TP53BP2: variants seen among roughly 807,000 people sequenced by gnomAD.
The protein encoded by TP53BP2 is apoptosis-stimulating of p53 protein 2.
Under a neutral mutation model 126.2 loss-of-function variants are expected in TP53BP2, and 62 were observed. The ratio of observed to expected loss-of-function variants is 0.49; its 90% CI spans 0.40 to 0.61. The LOEUF (loss-of-function observed/expected upper bound fraction) is 0.61. TP53BP2 is among the 20% of genes least tolerant of loss of function. The probability of loss-of-function intolerance (pLI) is 0.00; values close to 1 mark genes in which losing one functional copy is unlikely to be tolerated. For missense variants in TP53BP2, 1,215 were observed against 1,402.8 expected (o/e 0.87, Z 2.14); for synonymous variants, 485 against 502.9 (o/e 0.96, Z 0.48).
At chr1:223,792,057 G>C (rs1662173693) in intron 15 of TP53BP2, among the ~76,000 whole-genome samples, 1 of 152,164 alleles carries the variant, frequency 6.6e-6, no homozygotes, top group Non-Finnish European at 1.5e-5. Flanking sequence ...AACCATTTCA[G>C]GGGCTTAGGG....
intron 1 of TP53BP2, among the ~76,000 whole-genome samples, chr1:223,841,458 A>G (rs1664101348): frequency 6.6e-6 from 1 of 152,162 alleles, no homozygotes; most frequent in East Asian, 1.9e-4. Flanking sequence ...CCATGATATA[A>G]TCATACAAAT....
intron 1 of TP53BP2, among the ~76,000 whole-genome samples, chr1:223,840,870 C>A (rs574496334): frequency 3.6e-4 from 55 of 152,306 alleles, no homozygotes; most frequent in African/African-American, 1.3e-3. Context: ...AATCTGGTTT[C>A]TCTGAAACAG....
At position 223,802,101 on chromosome 1, in the gene TP53BP2, T is replaced by C. The variant is rs1434035297; in HGVS notation, c.1225+15A>G. 1 of 1,612,736 alleles carries C rather than the reference T, an allele frequency of 6.2e-7. No individual in the cohort carries two copies. Among genetic ancestry groups the C allele is most frequent in the Admixed American group, 1.7e-5 (1 of 59,990 alleles). On this transcript the variant is annotated intron_variant, in intron 9 of 17. Coordinates refer to ENST00000343537, the MANE Select transcript of TP53BP2 (RefSeq NM_001031685.3). Reference sequence around the variant, plus strand: ...AGTGGGGACAGGAAGAACTAGGCTGTGCAGGACTTTTTACCTTTAGTTTGT... The same window carrying C: ...AGTGGGGACAGGAAGAACTAGGCTGCGCAGGACTTTTTACCTTTAGTTTGT...
intron 3 of TP53BP2, among the ~76,000 whole-genome samples, chr1:223,811,403 T>C (rs185755113): frequency 2.0e-5 from 3 of 152,216 alleles, no homozygotes; most frequent in Admixed American, 1.3e-4. Flanking sequence ...AACAAATAAA[T>C]AAACATGTCT....
At chr1:223,819,630 G>A (rs558290289) in intron 2 of TP53BP2, among the ~76,000 whole-genome samples, 4 of 151,572 alleles carry the variant, frequency 2.6e-5, no homozygotes, top group African/African-American at 9.7e-5. Context: ...AGCTTTCAGT[G>A]AGCCAAGATC....
At chr1:223,843,401 C>A (rs1297635424) in intron 1 of TP53BP2, among the ~76,000 whole-genome samples, 1 of 152,156 alleles carries the variant, frequency 6.6e-6, no homozygotes, top group East Asian at 1.9e-4. Context: ...AATCTCTTGA[C>A]CTCGTGATCC....
intron 9 of TP53BP2, 78 bp from the exon 10 acceptor site, chr1:223,800,888 A>G (rs1662507052): frequency 2.0e-6 from 2 of 1,009,936 alleles, no homozygotes; most frequent in Non-Finnish European, 2.9e-6. Flanking sequence ...TAAGACTTTT[A>G]ATCTCTAAAA....
At chr1:223,812,324 A>G (rs1242626632) in intron 3 of TP53BP2, among the ~76,000 whole-genome samples, 1 of 152,216 alleles carries the variant, frequency 6.6e-6, no homozygotes, top group Non-Finnish European at 1.5e-5. Context: ...AAATTTAATC[A>G]TTCCTAATGG....
At chr1:223,820,731 C>A (rs1049326315) in intron 2 of TP53BP2, among the ~76,000 whole-genome samples, 6 of 152,096 alleles carry the variant, frequency 3.9e-5, no homozygotes, top group African/African-American at 1.4e-4. Context: ...CCTATGGAGC[C>A]AAAAAGAAAC....
Position 223,834,918 on chromosome 1 carries a change from G to C in TP53BP2, c.27+10736C>G, listed in dbSNP as rs757221839. The C allele has an allele frequency of 2.4e-5, 23 of 949,462 alleles. No homozygotes were observed. In the Middle Eastern group the frequency reaches 1.6e-3, roughly 66 times the overall value. 58.8% of individuals were successfully genotyped at this position (949,462 alleles called of 1,614,324 possible). A position where few individuals can be genotyped will look rare whatever the true frequency, so the allele number is the denominator to read the frequency against. On this transcript the variant is annotated intron_variant, in intron 1 of 17. Coordinates refer to ENST00000343537, the MANE Select transcript of TP53BP2 (RefSeq NM_001031685.3). ...GTATCCCTGTCTTATCTGTCCTACT[G>C]GTCTATACATTCTTTAGTACACATG...
chr1:223,788,013 G>C (rs548651268), intron 16 of TP53BP2, among the ~76,000 whole-genome samples: 33 of 152,298 alleles, frequency 2.2e-4, no homozygotes, highest in Admixed American at 4.6e-4. Flanking sequence ...GGGCTACAGT[G>C]GGCAATGACC....
chr1:223,832,505 G>T (rs372269007), intron 1 of TP53BP2, among the ~76,000 whole-genome samples: 1 of 152,302 alleles, frequency 6.6e-6, no homozygotes, highest in East Asian at 1.9e-4. Flanking sequence ...AATATTTCTT[G>T]TAAGAGGAGA....
intron 16 of TP53BP2, among the ~76,000 whole-genome samples, chr1:223,786,643 G>A (rs554301462): frequency 6.7e-6 from 1 of 149,950 alleles, no homozygotes; most frequent in Non-Finnish European, 1.5e-5. Flanking sequence ...GTCTCGCTCT[G>A]TTGCCCAGGC....
chr1:223,830,968 G>A (rs999643937), intron 1 of TP53BP2, among the ~76,000 whole-genome samples: 9 of 152,088 alleles, frequency 5.9e-5, no homozygotes, highest in African/African-American at 1.9e-4. Flanking sequence ...CATGGTGGCG[G>A]GCGCCTGTAG....
chr1:223,785,770 A>C (rs998796306), intron 16 of TP53BP2, among the ~76,000 whole-genome samples: 1 of 152,218 alleles, frequency 6.6e-6, no homozygotes, highest in Non-Finnish European at 1.5e-5. Context: ...TTTTTAAAAA[A>C]TTTTTTGAGG....
chr1:223,838,680 A>G (rs564507160), intron 1 of TP53BP2, among the ~76,000 whole-genome samples: 2 of 152,378 alleles, frequency 1.3e-5, no homozygotes, highest in Admixed American at 1.3e-4. Flanking sequence ...TTTTGCCATC[A>G]AAGGTGATGG....
At position 223,798,412 on chromosome 1, in the gene TP53BP2, G is replaced by A. The variant is rs1373837408; in HGVS notation, c.1751C>T (p.Pro584Leu). The A allele has an allele frequency of 1.2e-6, 2 of 1,614,176 alleles. No individual in the cohort carries two copies. Among genetic ancestry groups the A allele is most frequent in the East Asian group, 2.2e-5 (1 of 44,882 alleles). ...LSPGSKQESPPAAAVRPFTPQ... is the reference protein window; with the variant it reads ...LSPGSKQESPLAAAVRPFTPQ... ...AGTAAAGGGCCGGACGGCAGCAGCA[G>A]GTGGACTTTCTTGCTTAGAACCTGG... Residue 584 changes from proline (P) to leucine (L), a missense_variant, in exon 12 of 18, where the codon CCT becomes CTT. Pro to Leu is a moderately conservative substitution (Grantham distance 98). This residue lies in a region of TP53BP2 where 814 missense variants were observed against 853.0 expected (regional missense o/e 0.95). Coordinates refer to ENST00000343537, the MANE Select transcript of TP53BP2 (RefSeq NM_001031685.3).
chr1:223,827,234 G>A (rs563445162), intron 1 of TP53BP2, among the ~76,000 whole-genome samples: 4 of 152,148 alleles, frequency 2.6e-5, no homozygotes, highest in Non-Finnish European at 4.4e-5. Context: ...GAATGCTGAG[G>A]ACTGTGTCCT....
chr1:223,816,314 T>C (rs1391825863), intron 2 of TP53BP2, among the ~76,000 whole-genome samples: 3 of 151,668 alleles, frequency 2.0e-5, no homozygotes, highest in African/African-American at 7.3e-5. Flanking sequence ...AGTGAGGAAA[T>C]GCAAAAGGAA....
Sources: gnomAD v4.1 joint callset for allele counts (sites outside exome capture counted in the v4.1 genomes callset) on GRCh38, gnomAD v4.1.1 for gene constraint, gnomAD v4.1.1 regional missense constraint, MANE v1.5 for transcripts, NCBI Gene and HGNC (gene_info 2026-07-23, HGNC 2026-07-21) for gene names.